The following PTPN13 variants were observed in gnomAD, a reference collection of about 807,000 sequenced individuals.
PTPN13 encodes protein tyrosine phosphatase non-receptor type 13, also known as tyrosine-protein phosphatase non-receptor type 13.
Under a neutral mutation model 284.0 loss-of-function variants are expected in PTPN13, and 191 were observed. The observed-to-expected ratio is 0.67, with a 90% CI of 0.60 to 0.76. The LOEUF (loss-of-function observed/expected upper bound fraction) is 0.76, where lower values mean the gene tolerates loss of function less well. Among genes scored for constraint, PTPN13 ranks in the 30% least tolerant of loss-of-function variants. The pLI, the probability that PTPN13 is intolerant of heterozygous loss-of-function variation, is 0.00. For missense variants in PTPN13, 2,797 were observed against 2,939.9 expected (o/e 0.95, Z 1.12); for synonymous variants, 986 against 1,022.3 (o/e 0.96, Z 0.68).
At chr4:86,598,877 G>A (rs976411027) in intron 1 of PTPN13, among the ~76,000 whole-genome samples, 1 of 152,034 alleles carries the variant, frequency 6.6e-6, no homozygotes, top group African/African-American at 2.4e-5. Context: ...TGATCCCTCC[G>A]CCTCAGCATC....
At chr4:86,743,641 ATATC>A (rs1414234951) in intron 16 of PTPN13, among the ~76,000 whole-genome samples, 1 of 152,184 alleles carries the variant, frequency 6.6e-6, no homozygotes, top group Admixed American at 6.5e-5. Flanking sequence ...ATTGGCAACA[ATATC>A]TAGCTAGAAT....
At chr4:86,729,533 C>T (rs182093633) in intron 10 of PTPN13, among the ~76,000 whole-genome samples, 2 of 149,414 alleles carry the variant, frequency 1.3e-5, no homozygotes, top group East Asian at 1.9e-4. Flanking sequence ...AGGCTTTGTT[C>T]GTTTCTTTTT....
intron 30 of PTPN13, 42 bp downstream of exon 30, chr4:86,770,241 A>AACTT: frequency 6.7e-7 from 1 of 1,500,212 alleles, no homozygotes; most frequent in Non-Finnish European, 9.2e-7. Flanking sequence ...ATAGAATATC[A>AACTT]ACTTAGCAAC....
intron 20 of PTPN13, 100 bp downstream of exon 20, chr4:86,753,165 AG>A: frequency 1.2e-6 from 1 of 814,302 alleles, no homozygotes; most frequent in African/African-American, 1.7e-5. Flanking sequence ...TTCCATGCCT[AG>A]GATTTGATCT....
Position 86,799,154 on chromosome 4 carries a change from G to A in PTPN13, c.6455G>A (p.Gly2152Glu). 1.3e-6 allele frequency: 2 copies of A among 1,594,858 alleles called. No homozygotes were observed. Among genetic ancestry groups the A allele is most frequent in the Non-Finnish European group, 1.7e-6 (2 of 1,171,412 alleles). The change falls in exon 42 of 48, where the codon GGA becomes GAA. Residue 2152 changes from glycine (G) to glutamate (E), a missense_variant. Physicochemically the swap from Gly to Glu is moderately conservative, Grantham distance 98. Transcript: ENST00000411767. The part of the protein sequence containing the change: ...KKTDDDEITW[G>E]NDELPIERTN... ...ACTGATGATGATGAAATAACATGGG[G>A]AAATGATGAGTTGCCAATAGAGAGA...
At chr4:86,678,597 A>G (rs1019256806) in intron 3 of PTPN13, among the ~76,000 whole-genome samples, 2 of 152,190 alleles carry the variant, frequency 1.3e-5, no homozygotes, top group Non-Finnish European at 2.9e-5. Context: ...CTGAGACTCA[A>G]TAGATCTGAA....
intron 10 of PTPN13, among the ~76,000 whole-genome samples, chr4:86,729,889 G>A (rs551507569): frequency 2.0e-5 from 3 of 149,786 alleles, no homozygotes; most frequent in African/African-American, 7.3e-5. Context: ...GTTTGCTGGT[G>A]AGGAGCTGCA....
intron 39 of PTPN13, 22 bp from the exon 40 acceptor site, chr4:86,785,826 G>T: frequency 6.9e-7 from 1 of 1,439,172 alleles, no homozygotes. Flanking sequence ...AATTCCTCTT[G>T]GCCTATATAT....
At chr4:86,625,729 GCTC>G (rs1294088459) in intron 1 of PTPN13, among the ~76,000 whole-genome samples, 3 of 152,190 alleles carry the variant, frequency 2.0e-5, no homozygotes, top group Non-Finnish European at 4.4e-5. Context: ...TACACTTTTG[GCTC>G]CTAGAGGCCA....
At position 86,804,150 on chromosome 4, in the gene PTPN13, T is replaced by G. The variant is rs1744391250; in HGVS notation, c.6654+293T>G. 1.3e-5 allele frequency among the ~76,000 whole-genome samples: 2 copies of G among 151,542 alleles called. 1 individual carries two copies. The highest frequency in any genetic ancestry group is 4.2e-4 in the South Asian group (2 of 4,800). On this transcript the variant is annotated intron_variant, in intron 43 of 47. Coordinates refer to ENST00000411767, the MANE Select transcript of PTPN13 (RefSeq NM_080683.3). ...AAAAAAAAAAAAAGCCAAGTATAAA[T>G]TTCAACCATGCACTAAACTTTATAA...
At chr4:86,727,782 T>C (rs1430658375) in intron 10 of PTPN13, among the ~76,000 whole-genome samples, 1 of 149,436 alleles carries the variant, frequency 6.7e-6, no homozygotes, top group East Asian at 1.9e-4. Flanking sequence ...ATTCATTGAT[T>C]TTTTTGAAGG....
At chr4:86,764,111 A>C (rs1258801306) in intron 24 of PTPN13, among the ~76,000 whole-genome samples, 2 of 152,234 alleles carry the variant, frequency 1.3e-5, no homozygotes, top group African/African-American at 4.8e-5. Context: ...TAATGTAAAC[A>C]TGAAATCCCA....
intron 17 of PTPN13, among the ~76,000 whole-genome samples, chr4:86,749,949 T>C (rs1321251178): frequency 6.6e-6 from 1 of 152,186 alleles, no homozygotes; most frequent in Non-Finnish European, 1.5e-5. Flanking sequence ...CCATTTAAAG[T>C]ATGCAATTCA....
chr4:86,762,843 A>G lies in PTPN13; in HGVS notation c.3670A>G (p.Thr1224Ala). 4.3e-6 allele frequency: 7 copies of G among 1,613,906 alleles called. No individual in the cohort carries two copies. The highest frequency in any genetic ancestry group is 5.9e-6 in the Non-Finnish European group (7 of 1,179,810). The stretch of plus-strand genomic sequence containing the variant: ...CAAGGATCACCACTGGTCACGTGGT[A>G]CCCTGAGGCACATCTCGGAGAACTC... ...SSKDHHWSRG[T>A]LRHISENSFG... The change falls in exon 24 of 48, where the codon ACC becomes GCC. Residue 1224 changes from threonine to alanine, a missense_variant. Coordinates refer to ENST00000411767, the MANE Select transcript of PTPN13 (RefSeq NM_080683.3).
chr4:86,810,321 T>C (rs1191072094), intron 46 of PTPN13, among the ~76,000 whole-genome samples: 2 of 151,254 alleles, frequency 1.3e-5, no homozygotes, highest in Admixed American at 6.6e-5. Context: ...ACTTTAAAGA[T>C]AGAAATAATT....
intron 1 of PTPN13, among the ~76,000 whole-genome samples, chr4:86,601,087 T>C (rs1182271286): frequency 6.6e-6 from 1 of 152,126 alleles, no homozygotes; most frequent in Non-Finnish European, 1.5e-5. Flanking sequence ...CTTAAAGCAA[T>C]GTATAACATA....
intron 16 of PTPN13, among the ~76,000 whole-genome samples, chr4:86,743,897 A>T (rs1431888692): frequency 6.6e-6 from 1 of 152,216 alleles, no homozygotes; most frequent in African/African-American, 2.4e-5. Flanking sequence ...GCCAAGAGCT[A>T]GAGTACAGTC....
chr4:86,789,643 C>T (rs1446632008), intron 40 of PTPN13, among the ~76,000 whole-genome samples: 1 of 151,972 alleles, frequency 6.6e-6, no homozygotes, highest in Admixed American at 6.6e-5. Flanking sequence ...GTAAAATAAC[C>T]TTCAAAGGGG....
At chr4:86,649,142 T>G (rs1030310044) in intron 2 of PTPN13, among the ~76,000 whole-genome samples, 2 of 152,198 alleles carry the variant, frequency 1.3e-5, no homozygotes, top group African/African-American at 4.8e-5. Context: ...AGATGGATAG[T>G]TTACAAATAT....
Sources: gnomAD v4.1 joint callset for allele counts (sites outside exome capture counted in the v4.1 genomes callset) on GRCh38, gnomAD v4.1.1 for gene constraint, MANE v1.5 for transcripts, NCBI Gene and HGNC (gene_info 2026-07-23, HGNC 2026-07-21) for gene names.